NRG1: variants seen among roughly 807,000 people sequenced by gnomAD.
NRG1 encodes neuregulin 1.
In NRG1, 18 loss-of-function variants were observed where a neutral mutation model predicts 63.8. The observed-to-expected ratio is 0.28, with a 90% CI of 0.19 to 0.42. The LOEUF (loss-of-function observed/expected upper bound fraction) is 0.42. Ranked by LOEUF, NRG1 falls within the 10% of genes least tolerant of loss-of-function variation. The probability of loss-of-function intolerance (pLI) is 1.00; values close to 1 mark genes in which losing one functional copy is unlikely to be tolerated. For missense variants in NRG1, 762 were observed against 814.7 expected (o/e 0.94, Z 0.79); for synonymous variants, 302 against 301.3 (o/e 1.00, Z -0.02).
At chr8:31,913,804 GA>G (rs982748052) in intron 1 of NRG1, among the ~76,000 whole-genome samples, 6 of 151,866 alleles carry the variant, frequency 4.0e-5, no homozygotes, top group South Asian at 2.1e-4. Context: ...GTTTGTGCAG[GA>G]AAAAAAATTG....
At chr8:32,161,668 G>C (rs920352116) in intron 1 of NRG1, among the ~76,000 whole-genome samples, 3 of 151,994 alleles carry the variant, frequency 2.0e-5, no homozygotes, top group Non-Finnish European at 4.4e-5. Flanking sequence ...GTTGTATCTT[G>C]TTGGTATAAA....
At chr8:32,446,668 A>AC (rs1820287514) in intron 1 of NRG1, among the ~76,000 whole-genome samples, 1 of 151,926 alleles carries the variant, frequency 6.6e-6, no homozygotes, top group African/African-American at 2.4e-5. Context: ...AACAAAAAAA[A>AC]AAGGAAGATT....
intron 5 of NRG1, among the ~76,000 whole-genome samples, chr8:32,637,857 T>C (rs1362624062): frequency 6.6e-6 from 1 of 152,164 alleles, no homozygotes; most frequent in African/African-American, 2.4e-5. Flanking sequence ...TATTAGTCTC[T>C]GAATATCTTT....
At chr8:31,723,941 C>G (rs866832653) in intron 1 of NRG1, among the ~76,000 whole-genome samples, 6 of 152,084 alleles carry the variant, frequency 3.9e-5, no homozygotes, top group African/African-American at 1.4e-4. Flanking sequence ...CCCAAACGTT[C>G]TTAGTTACTG....
chr8:32,433,761 A>G (rs183174672), intron 1 of NRG1, among the ~76,000 whole-genome samples: 118 of 152,288 alleles, frequency 7.7e-4, no homozygotes, highest in African/African-American at 2.8e-3. Context: ...TTTCAGTCTC[A>G]GTAGGACTAA....
chr8:31,682,721 A>T (rs1206225742), intron 1 of NRG1, among the ~76,000 whole-genome samples: 4 of 152,146 alleles, frequency 2.6e-5, no homozygotes, highest in African/African-American at 9.6e-5. Context: ...AACCACAGAT[A>T]AAAACCACAG....
intron 1 of NRG1, among the ~76,000 whole-genome samples, chr8:32,154,192 C>T (rs1437537445): frequency 1.3e-5 from 2 of 152,136 alleles, no homozygotes; most frequent in Non-Finnish European, 1.5e-5. Flanking sequence ...ACCAAGTGAC[C>T]TATCTCTAGG....
chr8:32,168,903 A>T (rs998426171), intron 1 of NRG1, among the ~76,000 whole-genome samples: 1 of 152,092 alleles, frequency 6.6e-6, no homozygotes, highest in African/African-American at 2.4e-5. Context: ...TATAAATTCC[A>T]TCATGTCAGG....
chr8:32,144,017 A>C (rs1175208048), intron 1 of NRG1, among the ~76,000 whole-genome samples: 1 of 152,202 alleles, frequency 6.6e-6, no homozygotes, highest in African/African-American at 2.4e-5. Context: ...CTGCCTTGTA[A>C]GGAGCTAAAA....
At chr8:32,410,444 G>A (rs927067898) in intron 1 of NRG1, among the ~76,000 whole-genome samples, 1 of 152,004 alleles carries the variant, frequency 6.6e-6, no homozygotes, top group East Asian at 1.9e-4. Context: ...TGGGATTACA[G>A]GTGTGAGTCA....
intron 1 of NRG1, among the ~76,000 whole-genome samples, chr8:32,108,598 T>C (rs1239047034): frequency 2.0e-5 from 3 of 151,918 alleles, no homozygotes; most frequent in Non-Finnish European, 2.9e-5. Context: ...TACTAATCAG[T>C]TGACCTTAAA....
chr8:31,646,518 T>C (rs542742196), intron 1 of NRG1, among the ~76,000 whole-genome samples: 23 of 152,178 alleles, frequency 1.5e-4, no homozygotes, highest in Non-Finnish European at 3.1e-4. Context: ...TGCATACCAG[T>C]AATACTATCA....
chr8:32,481,072 A>T (rs1825212884), intron 1 of NRG1, among the ~76,000 whole-genome samples: 1 of 152,240 alleles, frequency 6.6e-6, no homozygotes, highest in Non-Finnish European at 1.5e-5. Flanking sequence ...GGCCAGGCGC[A>T]GTGGCTGATG....
chr8:32,476,992 A>G (rs142174157), intron 1 of NRG1, among the ~76,000 whole-genome samples: 1,663 of 152,330 alleles, frequency 0.011, 16 homozygotes, highest in Non-Finnish European at 0.015. Flanking sequence ...GGGAGGCAGC[A>G]AATGCCCAAA....
intron 1 of NRG1, among the ~76,000 whole-genome samples, chr8:31,695,305 G>A (rs1012426992): frequency 6.6e-6 from 1 of 152,200 alleles, no homozygotes; most frequent in African/African-American, 2.4e-5. Flanking sequence ...GAGTAGGTGG[G>A]ATTAGAGGCA....
At chr8:31,790,566 A>G (rs1820602755) in intron 1 of NRG1, among the ~76,000 whole-genome samples, 1 of 152,224 alleles carries the variant, frequency 6.6e-6, no homozygotes, top group Non-Finnish European at 1.5e-5. Context: ...ATTGGTTTAA[A>G]TAACTACTGT....
exon 1 of NRG1, chr8:32,548,562 C>T: frequency 7.9e-7 from 1 of 1,267,648 alleles, no homozygotes; most frequent in Non-Finnish European, 9.9e-7. Flanking sequence ...CCGCGCCGCG[C>T]TCCCTGCAGG....
At chr8:32,118,737 G>A (rs1285143822) in intron 1 of NRG1, among the ~76,000 whole-genome samples, 3 of 152,162 alleles carry the variant, frequency 2.0e-5, no homozygotes, top group East Asian at 1.9e-4. Context: ...GCCTAAAATG[G>A]TGAGCAGTGT....
At chr8:32,359,213 C>T (rs1056667741) in intron 1 of NRG1, among the ~76,000 whole-genome samples, 28 of 152,010 alleles carry the variant, frequency 1.8e-4, no homozygotes, top group African/African-American at 4.1e-4. Flanking sequence ...ACATAAGAGA[C>T]GGAAAAGGAT....
Sources: allele counts gnomAD v4.1 joint callset (sites outside exome capture counted in the v4.1 genomes callset), GRCh38; gene constraint gnomAD v4.1.1; transcripts MANE v1.5; gene names NCBI Gene and HGNC (gene_info 2026-07-23, HGNC 2026-07-21).